Variants in MC2R observed in about 807,000 individuals in gnomAD.
MC2R encodes melanocortin 2 receptor.
Under a neutral mutation model 9.8 loss-of-function variants are expected in MC2R, and 9 were observed. That is an observed-to-expected ratio of 0.92 (90% CI 0.55 to 1.60). The LOEUF (loss-of-function observed/expected upper bound fraction) is 1.60. Among genes scored for constraint, MC2R ranks in the 40% most tolerant of loss-of-function variants. MC2R has a pLI of 0.00. For missense variants in MC2R, 370 were observed against 389.0 expected (o/e 0.95, Z 0.41); for synonymous variants, 185 against 154.7 (o/e 1.20, Z -1.45).
intron 1 of MC2R, among the ~76,000 whole-genome samples, chr18:13,904,500 G>A (rs2045400671): frequency 1.3e-5 from 2 of 151,860 alleles, no homozygotes; most frequent in African/African-American, 2.4e-5. Flanking sequence ...AGACAACGAT[G>A]CCCACTTTTA....
At chr18:13,899,522 C>T (rs185759623) in intron 1 of MC2R, among the ~76,000 whole-genome samples, 32 of 152,210 alleles carry the variant, frequency 2.1e-4, no homozygotes, top group South Asian at 1.0e-3. Flanking sequence ...GGTTATAGAA[C>T]ATCAAGCATA....
At chr18:13,904,484 A>G (rs2045400485) in intron 1 of MC2R, among the ~76,000 whole-genome samples, 1 of 152,114 alleles carries the variant, frequency 6.6e-6, no homozygotes, top group African/African-American at 2.4e-5. Context: ...TCTAAGATCT[A>G]GAACAAGACA....
At chr18:13,890,625 T>A (rs1406931822) in intron 1 of MC2R, among the ~76,000 whole-genome samples, 1 of 152,148 alleles carries the variant, frequency 6.6e-6, no homozygotes, top group Non-Finnish European at 1.5e-5. Flanking sequence ...CCTTTTTTCT[T>A]TGTTTTCACT....
intron 1 of MC2R, among the ~76,000 whole-genome samples, chr18:13,895,838 C>T (rs115932862): frequency 0.013 from 1,915 of 152,102 alleles, 25 homozygotes; most frequent in African/African-American, 0.043. Flanking sequence ...AGGAGCCATC[C>T]GCAACAGCAA....
chr18:13,904,572 A>AT (rs914764322), intron 1 of MC2R, among the ~76,000 whole-genome samples: 15 of 152,116 alleles, frequency 9.9e-5, no homozygotes, highest in African/African-American at 3.4e-4. Context: ...GAGAAAAAAA[A>AT]GGAAAAAAGC....
intron 1 of MC2R, among the ~76,000 whole-genome samples, chr18:13,891,777 T>TCC (rs33922557): frequency 5.3e-4 from 32 of 60,330 alleles, no homozygotes; most frequent in African/African-American, 2.1e-3. Flanking sequence ...GCCTCTTACT[T>TCC]GTTTCAGTGC....
chr18:13,902,489 C>T (rs8083603), intron 1 of MC2R, among the ~76,000 whole-genome samples: 73,838 of 151,846 alleles, frequency 0.49, 18,374 homozygotes, highest in Middle Eastern at 0.61. Context: ...GGTATAAAAA[C>T]AGACACATAG....
At position 13,883,475 on chromosome 18, in the gene MC2R, G is replaced by A. The variant is rs139703101; in HGVS notation, c.*1150C>T. 2.0e-5 allele frequency: 3 copies of A among 152,200 alleles called. No homozygotes were observed. In the East Asian group the frequency reaches 5.8e-4, roughly 29 times the overall value. 9.4% of individuals were successfully genotyped at this position (152,200 alleles called of 1,614,324 possible). A position where few individuals can be genotyped will look rare whatever the true frequency, so the allele number is the denominator to read the frequency against. On this transcript the variant is annotated 3_prime_UTR_variant, in exon 2 of 2. Coordinates refer to ENST00000327606, the MANE Select transcript of MC2R (RefSeq NM_000529.2). Reference sequence around the variant, plus strand: ...TCATCTGCAGAATGAGGTGGTGTTTGCCTCCCTCAGGTCTTTGACTTGGGG... The same window carrying A: ...TCATCTGCAGAATGAGGTGGTGTTTACCTCCCTCAGGTCTTTGACTTGGGG...
chr18:13,894,961 G>T (rs1184406474), intron 1 of MC2R, among the ~76,000 whole-genome samples: 1 of 152,214 alleles, frequency 6.6e-6, no homozygotes, highest in Admixed American at 6.5e-5. Context: ...TGTGGCAGGC[G>T]ACACTCTCTG....
rs192114541 is a variant in MC2R at position 13,911,747 on chromosome 18, G to A, written c.-129+3741C>T. On this transcript the variant is annotated intron_variant, in intron 1 of 1. Coordinates refer to ENST00000327606, the MANE Select transcript of MC2R (RefSeq NM_000529.2). ...TGGGAAAAAGGAGATTGGGGCATAT[G>A]AGGAGGGCAGGAGGAAGAAAGATTT... Among the ~76,000 whole-genome samples the A allele has an allele frequency of 1.2e-4, 18 of 152,318 alleles. No homozygotes were observed. The East Asian group carries it at 3.3e-3, about 28-fold the overall frequency.
In MC2R at chr18:13,885,339, G is replaced by A. The variant is rs1413630234; in HGVS notation, c.180C>T (p.Tyr60=). 1.9e-6 allele frequency: 3 copies of A among 1,614,192 alleles called. No homozygotes were observed. The highest frequency in any genetic ancestry group is 2.2e-5 in the East Asian group (1 of 44,874). Residue 60 remains tyrosine, a synonymous_variant, in exon 2 of 2, where the codon TAC becomes TAT. Transcript: ENST00000327606. Reference sequence around the variant, plus strand: ...ATATGGCCAAGCTACAGATGAAAAAGTACATGGGTGCCTGGAGATTCTTAT... The same window carrying A: ...ATATGGCCAAGCTACAGATGAAAAAATACATGGGTGCCTGGAGATTCTTAT... ...FKNKNLQAPM[Y]FFICSLAISD...
rs112618808 is a variant in MC2R, at chr18:13,914,075, T to TTA, written c.-129+1412_-129+1413insTA. On this transcript the variant is annotated intron_variant, in intron 1 of 1. Coordinates refer to ENST00000327606, the MANE Select transcript of MC2R (RefSeq NM_000529.2). Reference sequence around the variant, plus strand: ...AAAGAATAGGATTTTTTTTTTTTTTTAAGATGTCTTAAGTTGCTCTGAGGC... The same window carrying TTA: ...AAAGAATAGGATTTTTTTTTTTTTTTTAAAGATGTCTTAAGTTGCTCTGAGGC... 8.0e-5 allele frequency among the ~76,000 whole-genome samples: 12 copies of TTA among 150,234 alleles called. 1 individual carries two copies. Among genetic ancestry groups the TTA allele is most frequent in the Middle Eastern group, 6.9e-3 (2 of 290 alleles).
intron 1 of MC2R, among the ~76,000 whole-genome samples, chr18:13,906,040 C>T (rs954905276): frequency 2.0e-5 from 3 of 152,074 alleles, no homozygotes; most frequent in Non-Finnish European, 4.4e-5. Context: ...TGCCATTGCA[C>T]TCCACCCTGG....
chr18:13,899,006 C>T (rs1469573798), intron 1 of MC2R, among the ~76,000 whole-genome samples: 9 of 152,158 alleles, frequency 5.9e-5, no homozygotes, highest in Non-Finnish European at 2.9e-5. Context: ...AAAATATGAC[C>T]TTGCCAAATA....
In MC2R at chr18:13,885,495, A is replaced by T; in HGVS notation, c.24T>A (p.Tyr8Ter). The change falls in exon 2 of 2, where the codon TAT becomes TAA. Residue 8 changes from tyrosine to a stop codon, truncating the protein, a stop_gained. Transcript: ENST00000327606. LOFTEE classifies it high-confidence loss of function. MKHIINS[Y>*]ENINNTARNN... ...TTCTTGCTGTGTTGTTGATGTTTTC[A>T]TACGAGTTGATAATGTGCTTCATTT... 6.2e-7 allele frequency: 1 copy of T among 1,614,206 alleles called. No individual in the cohort carries two copies. Among genetic ancestry groups the T allele is most frequent in the Non-Finnish European group, 8.5e-7 (1 of 1,180,044 alleles).
intron 1 of MC2R, among the ~76,000 whole-genome samples, chr18:13,909,978 A>G (rs904205560): frequency 6.6e-6 from 1 of 152,144 alleles, no homozygotes; most frequent in Admixed American, 6.5e-5. Context: ...TTTTCATGTT[A>G]TATCTAAAAA....
In MC2R at chr18:13,885,377, C is replaced by G; in HGVS notation, c.142G>C (p.Ala48Pro). The stretch of plus-strand genomic sequence containing the variant: ...TGGAGATTCTTATTCTTGAACACAG[C>G]CAGCAGGACGATCAGATTCTCCAAA... ...GVLENLIVLL[A>P]VFKNKNLQAP... Residue 48 changes from alanine (A) to proline (P), a missense_variant, in exon 2 of 2, where the codon GCT becomes CCT. By Grantham distance (27) the Ala-to-Pro change is conservative. Transcript: ENST00000327606. The G allele has an allele frequency of 6.2e-7, 1 of 1,614,104 alleles. No individual in the cohort carries two copies. Among genetic ancestry groups the G allele is most frequent in the Non-Finnish European group, 8.5e-7 (1 of 1,180,026 alleles).
At position 13,882,300 on chromosome 18, in the gene MC2R, TA is replaced by T. The variant is rs1181337125; in HGVS notation, c.*2324del. 3 of 152,196 alleles carry T rather than the reference TA, an allele frequency of 2.0e-5. No individual in the cohort carries two copies. Among genetic ancestry groups the T allele is most frequent in the African/African-American group, 7.2e-5 (3 of 41,460 alleles). The allele number at this position is 152,196 out of a possible 1,614,324, so 9.4% of individuals were successfully genotyped here. A position where few individuals can be genotyped will look rare whatever the true frequency, so the allele number is the denominator to read the frequency against. ...TTTCATTTGGAATTCTATATGAAGT[TA>T]GAGGTAGAAAAACGTGAGTTTTCTC... On this transcript the variant is annotated 3_prime_UTR_variant, in exon 2 of 2. Coordinates refer to ENST00000327606, the MANE Select transcript of MC2R (RefSeq NM_000529.2).
In MC2R at chr18:13,884,090, C is replaced by G. The variant is rs139176501; in HGVS notation, c.*535G>C. ...TGTGGGAGACAGACAAATTCAGCTG[C>G]AGCAATGCATTCCTTCCAATTTATT... is the stretch of plus-strand genomic sequence containing the variant. On this transcript the variant is annotated 3_prime_UTR_variant, in exon 2 of 2. Transcript: ENST00000327606. The G allele has an allele frequency of 1.3e-3, 217 of 165,204 alleles. 4 individuals are homozygous for G. The Middle Eastern group carries it at 0.016, about 12-fold the overall frequency. 10.2% of individuals were successfully genotyped at this position (165,204 alleles called of 1,614,324 possible).
Sources: gnomAD v4.1 joint callset for allele counts (sites outside exome capture counted in the v4.1 genomes callset) on GRCh38, gnomAD v4.1.1 for gene constraint, MANE v1.5 for transcripts, NCBI Gene and HGNC (gene_info 2026-07-23, HGNC 2026-07-21) for gene names.